The following NYAP2 variants were observed in gnomAD, a reference collection of about 807,000 sequenced individuals.
NYAP2 encodes neuronal tyrosine-phosphorylated phosphoinositide-3-kinase adaptor 2.
In NYAP2, 23 loss-of-function variants were observed where a neutral mutation model predicts 50.4. The observed-to-expected ratio is 0.46, with a 90% CI of 0.33 to 0.65. The LOEUF is 0.65. NYAP2 is among the 30% of genes least tolerant of loss of function. The pLI, the probability that NYAP2 is intolerant of heterozygous loss-of-function variation, is 0.02. For synonymous variants in NYAP2, 394 were observed against 365.2 expected (o/e 1.08, Z -0.90); for missense variants, 885 against 861.0 (o/e 1.03, Z -0.35).
At chr2:225,571,288 C>T (rs571648187) in intron 4 of NYAP2, among the ~76,000 whole-genome samples, 2 of 152,320 alleles carry the variant, frequency 1.3e-5, no homozygotes, top group African/African-American at 2.4e-5. Context: ...CCTCTTCTCA[C>T]AGCTCCATTA....
intron 6 of NYAP2, among the ~76,000 whole-genome samples, chr2:225,650,163 G>A (rs929561731): frequency 1.3e-5 from 2 of 152,188 alleles, no homozygotes; most frequent in African/African-American, 2.4e-5. Flanking sequence ...TTGTGTCTGA[G>A]AGGGGTTGGG....
intron 3 of NYAP2, among the ~76,000 whole-genome samples, chr2:225,456,614 T>A (rs1330658981): frequency 6.6e-6 from 1 of 152,176 alleles, no homozygotes; most frequent in Non-Finnish European, 1.5e-5. Context: ...CTTATCCTCC[T>A]AGGGCCTGAT....
At chr2:225,535,263 TG>T (rs1041277502) in intron 4 of NYAP2, among the ~76,000 whole-genome samples, 13 of 152,296 alleles carry the variant, frequency 8.5e-5, no homozygotes, top group Admixed American at 7.2e-4. Context: ...AACTTAACAC[TG>T]GGCCAGCCAG....
intron 3 of NYAP2, among the ~76,000 whole-genome samples, chr2:225,456,969 G>A (rs1387091649): frequency 6.6e-6 from 1 of 152,116 alleles, no homozygotes; most frequent in Non-Finnish European, 1.5e-5. Flanking sequence ...TGCTCTTTCT[G>A]GCTGCTTGTT....
chr2:225,558,823 G>C (rs542766211), intron 4 of NYAP2, among the ~76,000 whole-genome samples: 1 of 152,022 alleles, frequency 6.6e-6, no homozygotes, highest in Non-Finnish European at 1.5e-5. Flanking sequence ...TCTGTAATGG[G>C]ATTAACCTGA....
At chr2:225,552,970 GCCA>G (rs1459321032) in intron 4 of NYAP2, among the ~76,000 whole-genome samples, 1 of 152,188 alleles carries the variant, frequency 6.6e-6, no homozygotes, top group African/African-American at 2.4e-5. Context: ...ACAGGCGTGA[GCCA>G]CCACCGTGCC....
chr2:225,687,870 T>A, the NYAP2 span, among the ~76,000 whole-genome samples: 1 of 152,164 alleles, frequency 6.6e-6, no homozygotes, highest in African/African-American at 2.4e-5. Context: ...TGAGTTAGTA[T>A]AACCTCTTAT....
At chr2:225,467,685 A>C (rs1275810149) in intron 3 of NYAP2, among the ~76,000 whole-genome samples, 1 of 152,226 alleles carries the variant, frequency 6.6e-6, no homozygotes, top group Non-Finnish European at 1.5e-5. Flanking sequence ...TGAGAATTCC[A>C]TGCAAGACTC....
intron 3 of NYAP2, among the ~76,000 whole-genome samples, chr2:225,452,315 A>T (rs1204792834): frequency 6.6e-6 from 1 of 152,212 alleles, no homozygotes; most frequent in Admixed American, 6.5e-5. Context: ...CACTGTAGGA[A>T]GTGCACTCTT....
chr2:225,611,899 TATACAC>T (rs1574708522), intron 5 of NYAP2, among the ~76,000 whole-genome samples: 1 of 102,746 alleles, frequency 9.7e-6, no homozygotes. Flanking sequence ...TGTGTGTGTG[TATACAC>T]ACACACACAC....
At chr2:225,531,986 A>G (rs1325608346) in intron 4 of NYAP2, among the ~76,000 whole-genome samples, 3 of 152,250 alleles carry the variant, frequency 2.0e-5, no homozygotes, top group African/African-American at 7.2e-5. Context: ...AATAATATAA[A>G]TCAAAGAATG....
chr2:225,690,117 G>T, the NYAP2 span, among the ~76,000 whole-genome samples: 5 of 152,120 alleles, frequency 3.3e-5, no homozygotes, highest in South Asian at 1.0e-3. Flanking sequence ...GGCACAAATG[G>T]TGTCTATAAT....
At chr2:225,577,429 C>CTT (rs1692186519) in intron 4 of NYAP2, among the ~76,000 whole-genome samples, 2 of 151,818 alleles carry the variant, frequency 1.3e-5, no homozygotes, top group South Asian at 4.2e-4. Flanking sequence ...TTTTAAGTAC[C>CTT]TTATAAAGAA....
chr2:225,662,435 T>C, the NYAP2 span, among the ~76,000 whole-genome samples: 2 of 152,230 alleles, frequency 1.3e-5, no homozygotes, highest in Non-Finnish European at 2.9e-5. Context: ...CAGAGTACTG[T>C]TGTAGATTTA....
intron 1 of NYAP2, 117 bp downstream of exon 1, chr2:225,400,372 G>T (rs1190093578): frequency 2.0e-5 from 3 of 151,858 alleles, no homozygotes; most frequent in Non-Finnish European, 4.4e-5. Flanking sequence ...GAGGGAGGGA[G>T]GGAGTGGAGG....
At chr2:225,404,892 A>G (rs767105466) in intron 2 of NYAP2, among the ~76,000 whole-genome samples, 7 of 151,974 alleles carry the variant, frequency 4.6e-5, no homozygotes, top group African/African-American at 9.7e-5. Flanking sequence ...TGTAGATTGT[A>G]TAGGAAATCC....
chr2:225,574,227 C>A (rs1692128887), intron 4 of NYAP2, among the ~76,000 whole-genome samples: 2 of 152,150 alleles, frequency 1.3e-5, no homozygotes, highest in South Asian at 4.1e-4. Context: ...TGCAACCGCA[C>A]AAACCCAATA....
At chr2:225,633,612 G>A (rs771755726) in intron 6 of NYAP2, among the ~76,000 whole-genome samples, 2 of 152,274 alleles carry the variant, frequency 1.3e-5, no homozygotes, top group Admixed American at 1.3e-4. Context: ...TTGCTAAGGA[G>A]AAATATTTCT....
chr2:225,494,095 T>C (rs890422410), intron 3 of NYAP2, among the ~76,000 whole-genome samples: 7 of 152,258 alleles, frequency 4.6e-5, no homozygotes, highest in African/African-American at 1.7e-4. Flanking sequence ...AATGGGAAAG[T>C]GTCTGTAGCA....
Sources: gnomAD v4.1 joint callset for allele counts (sites outside exome capture counted in the v4.1 genomes callset) on GRCh38, gnomAD v4.1.1 for gene constraint, MANE v1.5 for transcripts, NCBI Gene and HGNC (gene_info 2026-07-23, HGNC 2026-07-21) for gene names.